RPS6KA6: variants seen among roughly 807,000 people sequenced by gnomAD.
RPS6KA6 encodes the protein ribosomal protein S6 kinase A6.
In RPS6KA6, 27 loss-of-function variants were observed where a neutral mutation model predicts 65.4. That is an observed-to-expected ratio of 0.41 (90% CI 0.30 to 0.57). The LOEUF (loss-of-function observed/expected upper bound fraction) is 0.57. Among genes scored for constraint, RPS6KA6 ranks in the 20% least tolerant of loss-of-function variants. RPS6KA6 has a pLI of 0.24. For synonymous variants in RPS6KA6, 190 were observed against 184.2 expected (o/e 1.03, Z -0.26); for missense variants, 486 against 555.6 (o/e 0.87, Z 1.26).
At chrX:84,163,502 G>A (rs766263947) in intron 2 of RPS6KA6, among the ~76,000 whole-genome samples, 7 of 105,781 alleles carry the variant, frequency 6.6e-5, no homozygotes, top group South Asian at 4.4e-4. Context: ...AGCCGGGCGC[G>A]GTGGCGGGCG....
rs767169944 is a variant in RPS6KA6, at chrX:84,166,184, C to A, written c.82-1797G>T. Among the ~76,000 whole-genome samples, 16 of 111,909 alleles carry A rather than the reference C, an allele frequency of 1.4e-4. No homozygotes were observed. In the South Asian group the frequency reaches 5.6e-3, roughly 39 times the overall value. On this transcript the variant is annotated intron_variant, in intron 1 of 21. Transcript: ENST00000262752. ...CTGAAAACTGAATTAACATTGGAACCATTATCCAGAGAGGACAAGACATAA... is the reference window on the plus strand; with the variant it reads ...CTGAAAACTGAATTAACATTGGAACAATTATCCAGAGAGGACAAGACATAA...
chrX:84,134,073 C>T (rs2034950307), intron 8 of RPS6KA6, among the ~76,000 whole-genome samples: 1 of 112,142 alleles, frequency 8.9e-6, no homozygotes, highest in South Asian at 3.7e-4. Context: ...ACAGAATTTA[C>T]TATCTATTGA....
chrX:84,167,335 G>T lies in RPS6KA6; in HGVS notation c.82-2948C>A, dbSNP rs764386249. Among the ~76,000 whole-genome samples the T allele has an allele frequency of 8.9e-5, 10 of 111,970 alleles. No individual in the cohort carries two copies. The Admixed American group carries it at 9.5e-4, about 11-fold the overall frequency. ...TCTTCAACTGATGAGTGGATAAAAA[G>T]AATACTACTTTTTACTCATCAATAA... On this transcript the variant is annotated intron_variant, in intron 1 of 21. Transcript: ENST00000262752.
At chrX:84,095,822 T>A (rs1056124304) in intron 20 of RPS6KA6, among the ~76,000 whole-genome samples, 8 of 111,647 alleles carry the variant, frequency 7.2e-5, no homozygotes, top group Admixed American at 6.7e-4. Context: ...ATTATAAAAA[T>A]TGTCTACATA....
chrX:84,060,126 T>C lies in RPS6KA6; in HGVS notation c.*4151A>G, dbSNP rs1341368444. The C allele has an allele frequency of 9.0e-6, 1 of 111,417 alleles. No individual in the cohort carries two copies. The highest frequency in any genetic ancestry group is 3.3e-5 in the African/African-American group (1 of 30,714). 9.2% of individuals were successfully genotyped at this position (111,417 alleles called of 1,213,427 possible). ...GCATCCATGAGTATAATGTATGTTGTGAATAATCACTATCAATGCCACTAT... is the reference window on the plus strand; with the variant it reads ...GCATCCATGAGTATAATGTATGTTGCGAATAATCACTATCAATGCCACTAT... On this transcript the variant is annotated 3_prime_UTR_variant, in exon 22 of 22. Transcript: ENST00000262752.
chrX:84,092,999 G>T (rs2034079525), intron 20 of RPS6KA6, among the ~76,000 whole-genome samples: 1 of 112,276 alleles, frequency 8.9e-6, no homozygotes, highest in Non-Finnish European at 1.9e-5. Flanking sequence ...ACACCATTCA[G>T]CCATAAAGAA....
chrX:84,182,321 C>T (rs1036795187), intron 1 of RPS6KA6, among the ~76,000 whole-genome samples: 1 of 111,125 alleles, frequency 9.0e-6, no homozygotes, highest in Non-Finnish European at 1.9e-5. Flanking sequence ...TTGGCAGCAA[C>T]AGTAAATAAT....
chrX:84,106,238 T>A, intron 15 of RPS6KA6, 127 bp downstream of exon 15: 1 of 587,995 alleles, frequency 1.7e-6, no homozygotes, highest in Non-Finnish European at 2.7e-6. Context: ...ATATTAAGTC[T>A]CAGAGTTCTT....
chrX:84,182,308 AT>A (rs1008357007), intron 1 of RPS6KA6, among the ~76,000 whole-genome samples: 1 of 111,666 alleles, frequency 9.0e-6, no homozygotes, highest in African/African-American at 3.3e-5. Flanking sequence ...ACAAAAAAAA[AT>A]ATTGGCAGCA....
intron 20 of RPS6KA6, among the ~76,000 whole-genome samples, chrX:84,080,268 C>T (rs2033763469): frequency 1.0e-5 from 1 of 100,084 alleles, no homozygotes; most frequent in Non-Finnish European, 2.0e-5. Flanking sequence ...TCAGGCAGAC[C>T]TGCAGCAGAG....
intron 5 of RPS6KA6, among the ~76,000 whole-genome samples, chrX:84,146,415 A>T (rs1569233341): frequency 8.9e-6 from 1 of 112,041 alleles, no homozygotes; most frequent in African/African-American, 3.2e-5. Flanking sequence ...ACGATAGATA[A>T]ATAGATAGAG....
intron 21 of RPS6KA6, 60 bp from the exon 22 acceptor site, chrX:84,064,462 A>T: frequency 9.7e-7 from 1 of 1,029,253 alleles, no homozygotes; most frequent in Non-Finnish European, 1.3e-6. Flanking sequence ...AAAAAAAAAA[A>T]ACTTTCACAT....
In RPS6KA6 at chrX:84,184,910, G is replaced by A. The variant is rs942367661; in HGVS notation, c.81+2909C>T. Among the ~76,000 whole-genome samples the A allele has an allele frequency of 2.8e-5, 3 of 106,987 alleles. No individual in the cohort carries two copies. In the South Asian group the frequency reaches 1.2e-3, roughly 44 times the overall value. 92.9% of individuals were successfully genotyped at this position (106,987 alleles called of 115,157 possible). On this transcript the variant is annotated intron_variant, in intron 1 of 21. Transcript: ENST00000262752. ...AAGAAATAATATAAAAGTACTACACGTTTACTATGATATGAAATGTGAAAA... is the reference window on the plus strand; with the variant it reads ...AAGAAATAATATAAAAGTACTACACATTTACTATGATATGAAATGTGAAAA...
chrX:84,084,014 GTCT>G (rs1219274191), intron 20 of RPS6KA6, among the ~76,000 whole-genome samples: 2 of 112,088 alleles, frequency 1.8e-5, no homozygotes, highest in African/African-American at 6.5e-5. Context: ...CTACATAAAT[GTCT>G]TCTTTTGAGA....
At chrX:84,105,927 C>G (rs998020775) in intron 15 of RPS6KA6, 51 bp from the exon 16 acceptor site, 1 of 688,007 alleles carries the variant, frequency 1.5e-6, no homozygotes, top group African/African-American at 2.2e-5. Flanking sequence ...ATTATTTTGT[C>G]TAAAATGAGT....
intron 16 of RPS6KA6, among the ~76,000 whole-genome samples, 167 bp from the exon 17 acceptor site, chrX:84,104,824 T>C (rs922845003): frequency 2.7e-5 from 3 of 110,659 alleles, no homozygotes; most frequent in Non-Finnish European, 5.7e-5. Context: ...GTACTAAAGG[T>C]TGAATTGGCT....
At chrX:84,108,620 A>C (rs1026584867) in intron 12 of RPS6KA6, among the ~76,000 whole-genome samples, 10 of 106,687 alleles carry the variant, frequency 9.4e-5, no homozygotes, top group Non-Finnish European at 2.0e-4. Flanking sequence ...TCTGCCACAG[A>C]CTTTCAATGC....
intron 2 of RPS6KA6, among the ~76,000 whole-genome samples, chrX:84,158,723 C>CAT (rs2035456253): frequency 9.0e-6 from 1 of 111,389 alleles, no homozygotes; most frequent in Non-Finnish European, 1.9e-5. Context: ...TAAATAAAGA[C>CAT]ATATGTTCCT....
At chrX:84,123,216 T>C (rs1380060006) in intron 8 of RPS6KA6, among the ~76,000 whole-genome samples, 1 of 112,332 alleles carries the variant, frequency 8.9e-6, no homozygotes, top group African/African-American at 3.2e-5. Flanking sequence ...TAGTACACCA[T>C]GGGCCTTGGG....
Sources: gnomAD v4.1 joint callset for allele counts (sites outside exome capture counted in the v4.1 genomes callset) on GRCh38, gnomAD v4.1.1 for gene constraint, MANE v1.5 for transcripts, NCBI Gene and HGNC (gene_info 2026-07-23, HGNC 2026-07-21) for gene names.